SNRPN: variants seen among roughly 807,000 people sequenced by gnomAD.
The protein encoded by SNRPN is small nuclear ribonucleoprotein-associated protein N.
Under a neutral mutation model 25.2 loss-of-function variants are expected in SNRPN, and 7 were observed. The observed-to-expected ratio is 0.28, with a 90% CI of 0.16 to 0.52. The LOEUF (loss-of-function observed/expected upper bound fraction) is 0.52, where lower values mean the gene tolerates loss of function less well. Among genes scored for constraint, SNRPN ranks in the 20% least tolerant of loss-of-function variants. The probability of loss-of-function intolerance (pLI) is 0.96; values close to 1 mark genes in which losing one functional copy is unlikely to be tolerated. For synonymous variants in SNRPN, 124 were observed against 110.6 expected, an observed-to-expected ratio of 1.12 and a Z score of -0.76; for missense variants, 196 against 322.5, an observed-to-expected ratio of 0.61 and a Z score of 3.00.
At chr15:24,912,507 G>A (rs933208203) in intron 2 of SNRPN, 6 of 152,182 alleles carry the variant, frequency 3.9e-5, no homozygotes, top group African/African-American at 1.4e-4. Flanking sequence ...GAGTTACTAA[G>A]ATGGAATGGA....
chr15:24,834,751 C>CTATATATATATATATA (rs796257838), intron 2 of SNRPN, among the ~76,000 whole-genome samples: 3 of 60,956 alleles, frequency 4.9e-5, no homozygotes, highest in South Asian at 5.1e-4. Context: ...CTCTCTCTCT[C>CTATATATATATATATA]TATATATATA....
At chr15:24,876,448 C>T (rs1325203422) in intron 1 of SNRPN, among the ~76,000 whole-genome samples, 2 of 151,982 alleles carry the variant, frequency 1.3e-5, no homozygotes, top group Non-Finnish European at 2.9e-5. Context: ...GAAACGTCTT[C>T]TCTGCTAAAA....
chr15:24,837,922 C>A (rs1212493051), intron 2 of SNRPN, among the ~76,000 whole-genome samples: 1 of 151,610 alleles, frequency 6.6e-6, no homozygotes, highest in Non-Finnish European at 1.5e-5. Context: ...AGGGTTTCAC[C>A]ATGTTTGCCA....
intron 1 of SNRPN, among the ~76,000 whole-genome samples, chr15:24,961,197 A>G (rs959322709): frequency 5.3e-5 from 8 of 152,226 alleles, no homozygotes; most frequent in African/African-American, 1.9e-4. Context: ...CCATTTAGAA[A>G]TCAAATATGT....
rs185242804 is a variant in SNRPN, at chr15:24,971,997, T to C, written c.-143-2314T>C. ...CTGGCTGGGCGCAGTGGCTCATGCCTGTAATCCTAGCACTTGGGGAGGCTG... is the reference window on the plus strand; with the variant it reads ...CTGGCTGGGCGCAGTGGCTCATGCCCGTAATCCTAGCACTTGGGGAGGCTG... On this transcript the variant is annotated intron_variant, in intron 3 of 9. Coordinates refer to ENST00000390687, the MANE Select transcript of SNRPN (RefSeq NM_003097.6). Among the ~76,000 whole-genome samples, 281 of 152,298 alleles carry C rather than the reference T, an allele frequency of 1.8e-3. 2 individuals carry two copies. The highest frequency in any genetic ancestry group is 6.5e-3 in the African/African-American group (269 of 41,562).
intron 2 of SNRPN, among the ~76,000 whole-genome samples, chr15:24,840,083 CG>C (rs1400907660): frequency 1.3e-5 from 2 of 152,132 alleles, no homozygotes; most frequent in African/African-American, 4.8e-5. Flanking sequence ...ATAGGCCGGG[CG>C]TGGTGGCTCA....
At chr15:24,859,527 G>T (rs1014993393) in intron 1 of SNRPN, among the ~76,000 whole-genome samples, 2 of 152,174 alleles carry the variant, frequency 1.3e-5, no homozygotes, top group Non-Finnish European at 2.9e-5. Flanking sequence ...AGATGTATAA[G>T]ATGTGAGAAA....
intron 2 of SNRPN, chr15:24,909,422 C>A: frequency 6.3e-7 from 1 of 1,594,412 alleles, no homozygotes; most frequent in Non-Finnish European, 8.5e-7. Context: ...ACCATCAATG[C>A]TTTCCACAAT....
In SNRPN at chr15:24,862,656, A is replaced by T. The variant is rs188669937; in HGVS notation, c.-579+5940A>T. Among the ~76,000 whole-genome samples the T allele has an allele frequency of 1.1e-4, 16 of 151,266 alleles. No homozygotes were observed. In the East Asian group the frequency reaches 2.5e-3, roughly 24 times the overall value. On this transcript the variant is annotated intron_variant, in intron 1 of 11. Coordinates refer to the SNRPN transcript ENST00000400097. ...TCTCAGGTGTTTAAGACGAGTGAGG[A>T]TTCAGAAAACTTAACAGAAACTAAA...
chr15:24,889,434 C>G (rs1382846125), intron 2 of SNRPN, among the ~76,000 whole-genome samples: 2 of 152,034 alleles, frequency 1.3e-5, no homozygotes, highest in Non-Finnish European at 2.9e-5. Flanking sequence ...TCCTGAGTAG[C>G]TGGGACTACA....
At chr15:24,931,606 C>T (rs910367761) in intron 3 of SNRPN, among the ~76,000 whole-genome samples, 2 of 150,568 alleles carry the variant, frequency 1.3e-5, no homozygotes, top group Non-Finnish European at 3.0e-5. Context: ...GGTGGAGGGG[C>T]GGGGGGTGAA....
chr15:24,967,808 G>GAAAAAAA, intron 2 of SNRPN, 124 bp from the exon 3 acceptor site: 1 of 491,522 alleles, frequency 2.0e-6, no homozygotes, highest in South Asian at 2.0e-5. Context: ...ACCCTGTCTG[G>GAAAAAAA]AAAAAAAAAA....
At chr15:24,924,485 G>A (rs2060252239) in intron 3 of SNRPN, among the ~76,000 whole-genome samples, 1 of 152,002 alleles carries the variant, frequency 6.6e-6, no homozygotes, top group South Asian at 2.1e-4. Context: ...TCTGTCTTTA[G>A]ATAAGGAAGC....
intron 2 of SNRPN, among the ~76,000 whole-genome samples, chr15:24,903,516 A>G (rs144126000): frequency 4.7e-4 from 72 of 152,326 alleles, no homozygotes; most frequent in Non-Finnish European, 8.5e-4. Context: ...ATCCACTCAC[A>G]CCACTCTATG....
chr15:24,895,248 T>A (rs2058001806), intron 2 of SNRPN, among the ~76,000 whole-genome samples: 1 of 152,200 alleles, frequency 6.6e-6, no homozygotes, highest in African/African-American at 2.4e-5. Context: ...CCAGGTTTTA[T>A]GACCTCTTTC....
chr15:24,868,150 T>C (rs1489495681), intron 1 of SNRPN, among the ~76,000 whole-genome samples: 1 of 148,938 alleles, frequency 6.7e-6, no homozygotes, highest in Non-Finnish European at 1.5e-5. Flanking sequence ...CACACACATA[T>C]ACATATGCAT....
intron 1 of SNRPN, among the ~76,000 whole-genome samples, chr15:24,879,406 T>A (rs1357157732): frequency 6.7e-6 from 1 of 149,730 alleles, no homozygotes; most frequent in Non-Finnish European, 1.5e-5. Flanking sequence ...CACTGCACTC[T>A]AGCCTGGAGG....
intron 1 of SNRPN, among the ~76,000 whole-genome samples, chr15:24,874,671 A>G (rs1220019507): frequency 6.6e-6 from 1 of 152,200 alleles, no homozygotes; most frequent in African/African-American, 2.4e-5. Flanking sequence ...CCTTTGATTG[A>G]CGTCTTCTGG....
rs2051021424 is a variant in SNRPN, at chr15:24,835,109, ATATAT to A, written c.-579+5205_-579+5209del. Among the ~76,000 whole-genome samples the A allele has an allele frequency of 3.0e-5, 2 of 65,756 alleles. 1 individual carries two copies. The highest frequency in any genetic ancestry group is 6.3e-5 in the Non-Finnish European group (2 of 31,630). The allele number at this position is 65,756 out of a possible 152,430, so 43.1% of individuals were successfully genotyped here. A position where few individuals can be genotyped will look rare whatever the true frequency, so the allele number is the denominator to read the frequency against. On this transcript the variant is annotated intron_variant, in intron 2 of 12. Transcript: ENST00000400100. The stretch of plus-strand genomic sequence containing the variant: ...TATAAAATATATAGATATATATACT[ATATAT>A]CTATATATAAAATATATAGATATAT...
Sources: gnomAD v4.1 joint callset for allele counts (sites outside exome capture counted in the v4.1 genomes callset) on GRCh38, gnomAD v4.1.1 for gene constraint, MANE v1.5 for transcripts, NCBI Gene and HGNC (gene_info 2026-07-23, HGNC 2026-07-21) for gene names.